Variants in CPD observed in about 807,000 individuals in gnomAD.
CPD encodes metallocarboxypeptidase D.
In CPD, 69 loss-of-function variants were observed where a neutral mutation model predicts 138.3. The ratio of observed to expected loss-of-function variants is 0.50; its 90% CI spans 0.41 to 0.61. CPD has a LOEUF of 0.61. Among genes scored for constraint, CPD ranks in the 20% least tolerant of loss-of-function variants. The probability of loss-of-function intolerance (pLI) is 0.00; values close to 1 mark genes in which losing one functional copy is unlikely to be tolerated. For missense variants in CPD, 1,432 were observed against 1,733.3 expected (o/e 0.83, Z 3.09); for synonymous variants, 651 against 642.1 (o/e 1.01, Z -0.21).
In CPD at chr17:30,469,171, A is replaced by G. The variant is rs1167013591; in HGVS notation, c.*4357A>G. ...TTGGGAAAGCAAAGTTGTATGAGAA[A>G]CAGACTCTGCTGATAAAGTACTCAT... On this transcript the variant is annotated 3_prime_UTR_variant, in exon 21 of 21. Coordinates refer to ENST00000225719, the MANE Select transcript of CPD (RefSeq NM_001304.5). 6.6e-6 allele frequency: 1 copy of G among 152,214 alleles called. No individual in the cohort carries two copies. The highest frequency in any genetic ancestry group is 1.5e-5 in the Non-Finnish European group (1 of 68,020). The allele number at this position is 152,214 out of a possible 1,614,324, so 9.4% of individuals were successfully genotyped here.
intron 10 of CPD, 120 bp from the exon 11 acceptor site, chr17:30,443,682 C>G: frequency 2.0e-6 from 2 of 1,018,416 alleles, no homozygotes; most frequent in Non-Finnish European, 2.8e-6. Context: ...CTCTGAACTC[C>G]TAAATTCCTG....
intron 11 of CPD, among the ~76,000 whole-genome samples, chr17:30,445,464 T>TA (rs951891523): frequency 3.0e-4 from 46 of 151,962 alleles, no homozygotes; most frequent in Non-Finnish European, 5.6e-4. Context: ...GACTCCATCT[T>TA]AAAAAAAATC....
intron 1 of CPD, among the ~76,000 whole-genome samples, chr17:30,383,104 G>A (rs1000241630): frequency 1.3e-5 from 2 of 152,190 alleles, no homozygotes; most frequent in African/African-American, 4.8e-5. Flanking sequence ...AGTGGAGTTA[G>A]AAAGTTAGAA....
intron 5 of CPD, 128 bp downstream of exon 5, chr17:30,423,151 T>A: frequency 1.4e-6 from 1 of 703,524 alleles, no homozygotes; most frequent in Non-Finnish European, 2.2e-6. Context: ...TAACTAAAAT[T>A]AAAAGAAAGC....
chr17:30,383,621 C>T (rs1911108206), intron 1 of CPD, among the ~76,000 whole-genome samples: 1 of 152,126 alleles, frequency 6.6e-6, no homozygotes, highest in Non-Finnish European at 1.5e-5. Context: ...AAAGATCTGT[C>T]TTCTGATGAA....
intron 14 of CPD, among the ~76,000 whole-genome samples, chr17:30,452,708 C>T (rs886759127): frequency 1.9e-4 from 28 of 151,078 alleles, no homozygotes; most frequent in Non-Finnish European, 1.3e-4. Flanking sequence ...AGAGAACACC[C>T]GGCTTTCTGA....
At position 30,422,685 on chromosome 17, in the gene CPD, T is replaced by C. The variant is rs1168318565; in HGVS notation, c.1319T>C (p.Leu440Ser). The change falls in exon 5 of 21, where the codon TTG becomes TCG. Residue 440 changes from leucine (L) to serine (S), a missense_variant. Around this residue, in one of 6 missense-constraint regions of CPD, gnomAD observed 160 missense variants for 197.9 expected, o/e 0.81. Transcript: ENST00000225719. ...AATTTTTTTTTCAGGTATATGCCAT[T>C]GACTGTTACTAATGTAGTGGTGAAA... ...LTVVLTGYMPLTVTNVVVKEG... is the reference protein window; with the variant it reads ...LTVVLTGYMPSTVTNVVVKEG... The C allele has an allele frequency of 3.7e-6, 6 of 1,608,052 alleles. No individual in the cohort carries two copies. The highest frequency in any genetic ancestry group is 1.7e-5 in the Admixed American group (1 of 58,906).
In CPD at chr17:30,385,143, A is replaced by G. The variant is rs193233043; in HGVS notation, c.901A>G (p.Ile301Val). 5.1e-5 allele frequency: 83 copies of G among 1,614,096 alleles called. No homozygotes were observed. In the Admixed American group the frequency reaches 1.3e-3, roughly 26 times the overall value. Residue 301 changes from isoleucine to valine, a missense_variant, in exon 2 of 21, where the codon ATA (isoleucine) becomes GTA (valine). Ile to Val is a conservative substitution (Grantham distance 29, BLOSUM62 3). This residue lies in a region of CPD where 484 missense variants were observed against 477.2 expected (regional missense o/e 1.01). Coordinates refer to ENST00000225719, the MANE Select transcript of CPD (RefSeq NM_001304.5). ...LAKAYASNHP[I>V]MKTGEPHCPG... is the part of the protein sequence containing the mutation. ...AAAAGCTTATGCTTCAAACCACCCC[A>G]TAATGAAAACTGGTGAGCCTCATTG... is the stretch of plus-strand genomic sequence containing the variant.
chr17:30,415,819 G>A (rs1213970565), intron 2 of CPD, among the ~76,000 whole-genome samples: 1 of 152,092 alleles, frequency 6.6e-6, no homozygotes, highest in East Asian at 1.9e-4. Flanking sequence ...AAAAAGAAGG[G>A]AATCCTATCA....
chr17:30,418,573 A>G (rs560055485), intron 2 of CPD, among the ~76,000 whole-genome samples: 11 of 152,262 alleles, frequency 7.2e-5, no homozygotes, highest in African/African-American at 1.9e-4. Flanking sequence ...TAAAGTATAC[A>G]TAATATAAAA....
At chr17:30,424,731 T>C (rs1912356824) in intron 6 of CPD, among the ~76,000 whole-genome samples, 1 of 152,232 alleles carries the variant, frequency 6.6e-6, no homozygotes, top group Non-Finnish European at 1.5e-5. Flanking sequence ...TGGGGCGTTA[T>C]AGTGTGGGAT....
chr17:30,394,483 T>C (rs73277554), intron 2 of CPD, among the ~76,000 whole-genome samples: 1,946 of 152,296 alleles, frequency 0.013, 35 homozygotes, highest in African/African-American at 0.041. Context: ...TATCCACTTA[T>C]GTTGTTAATA....
chr17:30,388,862 T>C (rs1404073921), intron 2 of CPD, among the ~76,000 whole-genome samples: 1 of 151,492 alleles, frequency 6.6e-6, no homozygotes, highest in Non-Finnish European at 1.5e-5. Flanking sequence ...CTGTCAGGAG[T>C]GTCAGGCTGG....
intron 19 of CPD, 145 bp downstream of exon 19, chr17:30,462,207 C>A: frequency 9.4e-7 from 1 of 1,059,030 alleles, no homozygotes; most frequent in Non-Finnish European, 1.4e-6. Context: ...TCTTGTTATC[C>A]TTGTACCCCT....
At chr17:30,400,347 TTA>T (rs1232442080) in intron 2 of CPD, among the ~76,000 whole-genome samples, 1 of 152,186 alleles carries the variant, frequency 6.6e-6, no homozygotes, top group Non-Finnish European at 1.5e-5. Flanking sequence ...ACCATACCCT[TTA>T]TCCTCCCCTT....
intron 2 of CPD, among the ~76,000 whole-genome samples, chr17:30,409,390 A>G (rs1427674283): frequency 6.6e-6 from 1 of 152,110 alleles, no homozygotes; most frequent in African/African-American, 2.4e-5. Context: ...GTTAGGGAGG[A>G]TTCCCTCCTT....
intron 2 of CPD, among the ~76,000 whole-genome samples, chr17:30,388,117 A>G (rs1257070240): frequency 1.3e-5 from 2 of 152,168 alleles, no homozygotes; most frequent in African/African-American, 4.8e-5. Flanking sequence ...TTGTCCCATC[A>G]TCTCTCCATC....
At chr17:30,403,370 C>T (rs1911726173) in intron 2 of CPD, among the ~76,000 whole-genome samples, 1 of 152,140 alleles carries the variant, frequency 6.6e-6, no homozygotes, top group Admixed American at 6.5e-5. Context: ...CAGACCTGTA[C>T]ATGTGCAGTT....
At position 30,456,402 on chromosome 17, in the gene CPD, T is replaced by C. The variant is rs1184001705; in HGVS notation, c.3433+51T>C. 3 of 1,610,642 alleles carry C rather than the reference T, an allele frequency of 1.9e-6. No homozygotes were observed. In the African/African-American group the frequency reaches 4.0e-5, roughly 22 times the overall value. ...ATTGCTGTTGTTGTTGTTGCTTTTGTGGGGAAAGGAGTTTCACCTTAAGGT... is the reference window on the plus strand; with the variant it reads ...ATTGCTGTTGTTGTTGTTGCTTTTGCGGGGAAAGGAGTTTCACCTTAAGGT... On this transcript the variant is annotated intron_variant, in intron 16 of 20. Transcript: ENST00000225719.
Sources: allele counts gnomAD v4.1 joint callset (sites outside exome capture counted in the v4.1 genomes callset), GRCh38; gene constraint gnomAD v4.1.1; regional missense constraint gnomAD v4.1.1; transcripts MANE v1.5; gene names NCBI Gene and HGNC (gene_info 2026-07-23, HGNC 2026-07-21).